Variants in CDH20 observed in about 807,000 individuals in gnomAD.
The protein encoded by CDH20 is cadherin 20, also known as cadherin-20.
In CDH20, 29 loss-of-function variants were observed where a neutral mutation model predicts 74.2. The ratio of observed to expected loss-of-function variants is 0.39; its 90% CI spans 0.29 to 0.53. The LOEUF is 0.53. Ranked by LOEUF, CDH20 falls within the 20% of genes least tolerant of loss-of-function variation. The probability of loss-of-function intolerance (pLI) is 0.69; values close to 1 mark genes in which losing one functional copy is unlikely to be tolerated. For missense variants in CDH20, 988 were observed against 1,048.3 expected (o/e 0.94, Z 0.79); for synonymous variants, 469 against 405.4 (o/e 1.16, Z -1.88).
chr18:61,554,155 C>T (rs762941218), intron 11 of CDH20, 35 bp from the exon 12 acceptor site: 11 of 1,582,760 alleles, frequency 6.9e-6, no homozygotes, highest in Non-Finnish European at 9.5e-6. Flanking sequence ...GCCACATCTC[C>T]TCGGTAAACA....
chr18:61,500,161 C>A (rs1911324694), intron 3 of CDH20, among the ~76,000 whole-genome samples: 2 of 128,382 alleles, frequency 1.6e-5, no homozygotes, highest in Admixed American at 1.7e-4. Context: ...CAATGAAGAG[C>A]CCAAAGGCTG....
chr18:61,477,193 T>C (rs1323255774), intron 1 of CDH20, among the ~76,000 whole-genome samples: 1 of 152,178 alleles, frequency 6.6e-6, no homozygotes, highest in Non-Finnish European at 1.5e-5. Flanking sequence ...ACTCTTATCA[T>C]ATACATGTGG....
At chr18:61,527,327 A>AG (rs954701829) in intron 6 of CDH20, among the ~76,000 whole-genome samples, 8 of 6,166 alleles carry the variant, frequency 1.3e-3, no homozygotes, top group Admixed American at 3.3e-3. Flanking sequence ...TTTTTTAAGG[A>AG]AAAAAAAAAA....
chr18:61,492,092 G>A (rs1377084206), intron 2 of CDH20, among the ~76,000 whole-genome samples: 5 of 152,056 alleles, frequency 3.3e-5, no homozygotes, highest in Non-Finnish European at 7.3e-5. Context: ...TACTGCACAT[G>A]TGACATCTCC....
At chr18:61,446,040 G>T (rs769069670) in intron 1 of CDH20, among the ~76,000 whole-genome samples, 1 of 152,138 alleles carries the variant, frequency 6.6e-6, no homozygotes, top group East Asian at 1.9e-4. Flanking sequence ...CATCCCAAGA[G>T]AGAGACAGAC....
intron 1 of CDH20, among the ~76,000 whole-genome samples, chr18:61,392,029 C>T (rs10871791): frequency 0.86 from 131,188 of 152,002 alleles, 56,847 homozygotes; most frequent in South Asian, 0.89. Context: ...CAATGCTAGC[C>T]GAATCTTTTG....
intron 1 of CDH20, among the ~76,000 whole-genome samples, chr18:61,443,615 C>T (rs985167956): frequency 6.6e-6 from 1 of 152,046 alleles, no homozygotes; most frequent in African/African-American, 2.4e-5. Context: ...AGACAGGGAG[C>T]CCACAAAAGA....
intron 1 of CDH20, among the ~76,000 whole-genome samples, chr18:61,358,451 A>T (rs1910573030): frequency 6.6e-6 from 1 of 152,002 alleles, no homozygotes; most frequent in African/African-American, 2.4e-5. Flanking sequence ...GCATTTCTTG[A>T]TATTTGAAAT....
At chr18:61,415,249 A>G (rs1330951912) in intron 1 of CDH20, among the ~76,000 whole-genome samples, 1 of 152,146 alleles carries the variant, frequency 6.6e-6, no homozygotes, top group Admixed American at 6.5e-5. Context: ...TCTGAGTCCA[A>G]TGGGTCCTTT....
intron 1 of CDH20, among the ~76,000 whole-genome samples, chr18:61,436,340 C>G (rs547675834): frequency 3.3e-5 from 5 of 151,538 alleles, no homozygotes; most frequent in Non-Finnish European, 5.9e-5. Flanking sequence ...AACCACCATA[C>G]TGTTTTCAAA....
At chr18:61,339,519 A>G (rs949424398) in intron 1 of CDH20, among the ~76,000 whole-genome samples, 2 of 151,932 alleles carry the variant, frequency 1.3e-5, no homozygotes, top group Non-Finnish European at 2.9e-5. Flanking sequence ...TGAAGCCCCC[A>G]GTGTCTACTC....
At chr18:61,441,832 G>A (rs1302965367) in intron 1 of CDH20, among the ~76,000 whole-genome samples, 1 of 152,014 alleles carries the variant, frequency 6.6e-6, no homozygotes, top group African/African-American at 2.4e-5. Context: ...AGACTTTCCT[G>A]TACACAACTC....
chr18:61,545,052 A>G lies in CDH20; in HGVS notation c.1556A>G (p.Asp519Gly). The G allele has an allele frequency of 6.2e-7, 1 of 1,613,508 alleles. No homozygotes were observed. The change falls in exon 10 of 12, where the codon GAC (aspartate) becomes GGC (glycine). Residue 519 changes from aspartate (D) to glycine (G), a missense_variant. By Grantham distance (94) the Asp-to-Gly change is moderately conservative. This residue lies in a region of CDH20 where 613 missense variants were observed against 755.2 expected (regional missense o/e 0.81). Coordinates refer to ENST00000262717, the MANE Select transcript of CDH20 (RefSeq NM_031891.4). ...CTGATCCAGACAGTGAGTGCGGTGG[A>G]CCAAGATGACCCACGCAATGGTCAG... Reference protein sequence around the residue: ...GQLIQTVSAVDQDDPRNGQHF... With the variant: ...GQLIQTVSAVGQDDPRNGQHF...
At chr18:61,349,611 C>T (rs985203867) in intron 1 of CDH20, among the ~76,000 whole-genome samples, 3 of 152,108 alleles carry the variant, frequency 2.0e-5, no homozygotes, top group Admixed American at 6.6e-5. Flanking sequence ...TGGATATCTA[C>T]GGATTCAGCA....
At chr18:61,340,226 C>CTTCTTTTTTTTTTT (rs1555669260) in intron 1 of CDH20, among the ~76,000 whole-genome samples, 1 of 119,738 alleles carries the variant, frequency 8.4e-6, no homozygotes, top group Non-Finnish European at 1.7e-5. Flanking sequence ...CTTCAGCCTT[C>CTTCTTTTTTTTTTT]TTTTTTTTTT....
At chr18:61,475,452 GT>G (rs1264648230) in intron 1 of CDH20, among the ~76,000 whole-genome samples, 1 of 152,098 alleles carries the variant, frequency 6.6e-6, no homozygotes, top group Non-Finnish European at 1.5e-5. Flanking sequence ...ATCTTACATT[GT>G]TCAATGAGTA....
chr18:61,479,977 T>C (rs1008356314), intron 1 of CDH20, among the ~76,000 whole-genome samples: 1 of 152,184 alleles, frequency 6.6e-6, no homozygotes, highest in Non-Finnish European at 1.5e-5. Flanking sequence ...TAGACTTCCA[T>C]GGTGAAAGTC....
At chr18:61,446,309 A>G (rs550049344) in intron 1 of CDH20, among the ~76,000 whole-genome samples, 8 of 152,184 alleles carry the variant, frequency 5.3e-5, no homozygotes, top group Non-Finnish European at 1.0e-4. Flanking sequence ...CAACCGCATC[A>G]GCATCACTGA....
intron 1 of CDH20, among the ~76,000 whole-genome samples, chr18:61,420,788 C>T (rs1428736899): frequency 2.0e-5 from 3 of 152,166 alleles, no homozygotes; most frequent in Admixed American, 6.5e-5. Flanking sequence ...GGCGCGGTGG[C>T]TCACTCCTGT....
Sources: allele counts gnomAD v4.1 joint callset (sites outside exome capture counted in the v4.1 genomes callset), GRCh38; gene constraint gnomAD v4.1.1; regional missense constraint gnomAD v4.1.1; transcripts MANE v1.5; gene names NCBI Gene and HGNC (gene_info 2026-07-23, HGNC 2026-07-21).